TRPM7: variants seen among roughly 807,000 people sequenced by gnomAD.
TRPM7 encodes the protein LTRPC ion channel family member 7.
Under a neutral mutation model 229.7 loss-of-function variants are expected in TRPM7, and 134 were observed. The observed-to-expected ratio is 0.58, with a 90% confidence interval of 0.51 to 0.67. TRPM7 has a LOEUF of 0.67. TRPM7 is among the 30% of genes least tolerant of loss of function. The probability of loss-of-function intolerance (pLI) is 0.00; values close to 1 mark genes in which losing one functional copy is unlikely to be tolerated. For synonymous variants in TRPM7, 699 were observed against 715.2 expected, an observed-to-expected ratio of 0.98 and a Z score of 0.36; for missense variants, 1,901 against 2,210.0, an observed-to-expected ratio of 0.86 and a Z score of 2.80.
intron 3 of TRPM7, among the ~76,000 whole-genome samples, 178 bp downstream of exon 3, chr15:50,657,603 T>G (rs960502092): frequency 6.6e-6 from 1 of 152,154 alleles, no homozygotes; most frequent in Non-Finnish European, 1.5e-5. Context: ...TCTTCTTAGG[T>G]AGCTTCACCT....
intron 19 of TRPM7, among the ~76,000 whole-genome samples, chr15:50,609,231 C>A (rs2140461841): frequency 6.6e-6 from 1 of 152,256 alleles, no homozygotes; most frequent in East Asian, 1.9e-4. Context: ...GTATCATCTG[C>A]AAAATCCTAA....
At chr15:50,604,691 G>A in intron 21 of TRPM7, 175 bp downstream of exon 21, 2 of 616,738 alleles carry the variant, frequency 3.2e-6, no homozygotes, top group South Asian at 4.6e-5. Flanking sequence ...ATGGGTATAG[G>A]GGATTGGGAT....
intron 26 of TRPM7, 35 bp downstream of exon 26, chr15:50,591,876 A>T (rs1260735127): frequency 7.2e-7 from 1 of 1,379,690 alleles, no homozygotes; most frequent in East Asian, 2.3e-5. Context: ...AAAGTAAATA[A>T]TATTGATATA....
chr15:50,643,557 G>A lies in TRPM7; in HGVS notation c.322-4C>T, dbSNP rs746946727. On this transcript the variant is annotated splice_polypyrimidine_tract_variant and splice_region_variant and intron_variant, in intron 4 of 38. Transcript: ENST00000646667. ...TGTCATATGATAGCCTCACATACTA[G>A]AAAAAGATTTTAAAAGGAGAAAATA... The A allele has an allele frequency of 6.2e-7, 1 of 1,609,590 alleles. No homozygotes were observed. Among genetic ancestry groups the A allele is most frequent in the Non-Finnish European group, 8.5e-7 (1 of 1,177,208 alleles).
At chr15:50,666,818 G>T (rs2061894441) in intron 1 of TRPM7, among the ~76,000 whole-genome samples, 2 of 152,026 alleles carry the variant, frequency 1.3e-5, no homozygotes. Context: ...AAAAGAAGAG[G>T]CGGTGGAGGT....
At chr15:50,678,246 A>AAAAAACAAAAAC (rs1259251319) in intron 1 of TRPM7, among the ~76,000 whole-genome samples, 3 of 142,504 alleles carry the variant, frequency 2.1e-5, no homozygotes, top group African/African-American at 7.7e-5. Context: ...TCTCAAAAAA[A>AAAAAACAAAAAC]AAAAACAAAA....
chr15:50,569,190 G>A (rs879287780), intron 38 of TRPM7, among the ~76,000 whole-genome samples: 1 of 152,062 alleles, frequency 6.6e-6, no homozygotes, highest in Non-Finnish European at 1.5e-5. Flanking sequence ...ATGTGTCACT[G>A]CTCCTGGTAG....
At chr15:50,606,648 G>A (rs1415140388) in intron 20 of TRPM7, among the ~76,000 whole-genome samples, 1 of 151,868 alleles carries the variant, frequency 6.6e-6, no homozygotes, top group Non-Finnish European at 1.5e-5. Flanking sequence ...ACAGGTGGCC[G>A]CCACCATGCC....
At chr15:50,684,089 T>A (rs531725482) in intron 1 of TRPM7, among the ~76,000 whole-genome samples, 14 of 151,990 alleles carry the variant, frequency 9.2e-5, no homozygotes, top group African/African-American at 3.1e-4. Context: ...TGACCTCAAG[T>A]GATCCGGGAT....
At chr15:50,659,963 C>G (rs943471001) in intron 2 of TRPM7, among the ~76,000 whole-genome samples, 1 of 152,154 alleles carries the variant, frequency 6.6e-6, no homozygotes, top group Non-Finnish European at 1.5e-5. Context: ...CCACACCCGA[C>G]CAACAAAATC....
intron 30 of TRPM7, among the ~76,000 whole-genome samples, chr15:50,579,324 G>C (rs956089133): frequency 1.3e-5 from 2 of 152,186 alleles, no homozygotes; most frequent in Non-Finnish European, 2.9e-5. Flanking sequence ...GGAATGAAAG[G>C]ACCAGATCCA....
At chr15:50,605,204 C>A in intron 20 of TRPM7, 60 bp from the exon 21 acceptor site, 1 of 1,294,762 alleles carries the variant, frequency 7.7e-7, no homozygotes, top group East Asian at 2.3e-5. Context: ...AAAACACATA[C>A]AGCATTCAAC....
At chr15:50,576,398 A>C (rs888987168) in intron 31 of TRPM7, among the ~76,000 whole-genome samples, 3 of 152,230 alleles carry the variant, frequency 2.0e-5, no homozygotes, top group East Asian at 3.8e-4. Flanking sequence ...AGACAAGTCA[A>C]ATCTGCTATG....
Position 50,580,884 on chromosome 15 carries a change from T to A in TRPM7, c.4582A>T (p.Asn1528Tyr), listed in dbSNP as rs376620455. ...IPDWLQDRPS[N>Y]REMPSEEGTL... The stretch of plus-strand genomic sequence containing the variant: ...AAAAAGCTTACTTACATTTCTCTGT[T>A]TGATGGTCTATCTTGTAACCAATCC... Residue 1528 changes from asparagine to tyrosine, a missense_variant, in exon 30 of 39, where the codon AAC becomes TAC. By Grantham distance (143) the Asn-to-Tyr change is moderately radical. This residue lies in a region of TRPM7 where 533 missense variants were observed against 497.1 expected (regional missense o/e 1.07). Coordinates refer to ENST00000646667, the MANE Select transcript of TRPM7 (RefSeq NM_017672.6). 12 of 1,586,852 alleles carry A rather than the reference T, an allele frequency of 7.6e-6. No individual in the cohort carries two copies. The highest frequency in any genetic ancestry group is 9.4e-6 in the Non-Finnish European group (11 of 1,171,714).
At chr15:50,654,871 G>C (rs2061515883) in intron 3 of TRPM7, among the ~76,000 whole-genome samples, 1 of 148,816 alleles carries the variant, frequency 6.7e-6, no homozygotes, top group Non-Finnish European at 1.5e-5. Flanking sequence ...TGTGGCAGCA[G>C]GCACCTGTAG....
chr15:50,567,186 T>C (rs2053638821), intron 38 of TRPM7, among the ~76,000 whole-genome samples: 1 of 152,108 alleles, frequency 6.6e-6, no homozygotes, highest in African/African-American at 2.4e-5. Context: ...AATTATTTTT[T>C]ATTATTATAC....
At chr15:50,674,920 T>C (rs1041470150) in intron 1 of TRPM7, among the ~76,000 whole-genome samples, 3 of 152,216 alleles carry the variant, frequency 2.0e-5, no homozygotes, top group South Asian at 4.1e-4. Flanking sequence ...TTGTTTCTCA[T>C]TGGCAAATCC....
rs200455703 is a variant in TRPM7 at position 50,666,199 on chromosome 15, CAAG to C, written c.4-3156_4-3154del. ...TTGGTAAACCTTTATCAAGACTGAACAAGAAGCCAGGCAGATCACTTGAGTCCA... is the reference window on the plus strand; with the variant it reads ...TTGGTAAACCTTTATCAAGACTGAACAAGCCAGGCAGATCACTTGAGTCCA... On this transcript the variant is annotated intron_variant, in intron 1 of 38. Transcript: ENST00000646667. Among the ~76,000 whole-genome samples the C allele has an allele frequency of 7.9e-3, 1,201 of 152,072 alleles. 20 individuals carry two copies. Among genetic ancestry groups the C allele is most frequent in the African/African-American group, 0.028 (1,150 of 41,496 alleles).
chr15:50,605,205 A>G lies in TRPM7; in HGVS notation c.2710-61T>C, dbSNP rs2059890004. Reference sequence around the variant, plus strand: ...AGTTTATTCCTATTAAAACACATACAGCATTCAACTATAACATTACAGTAG... The same window carrying G: ...AGTTTATTCCTATTAAAACACATACGGCATTCAACTATAACATTACAGTAG... On this transcript the variant is annotated intron_variant, in intron 20 of 38. Transcript: ENST00000646667. 1.5e-5 allele frequency: 19 copies of G among 1,298,406 alleles called. No homozygotes were observed. The South Asian group carries it at 2.5e-4, about 17-fold the overall frequency. 80.4% of individuals were successfully genotyped at this position (1,298,406 alleles called of 1,614,324 possible).
Sources: gnomAD v4.1 joint callset for allele counts (sites outside exome capture counted in the v4.1 genomes callset) on GRCh38, gnomAD v4.1.1 for gene constraint, gnomAD v4.1.1 regional missense constraint, MANE v1.5 for transcripts, NCBI Gene and HGNC (gene_info 2026-07-23, HGNC 2026-07-21) for gene names.